BICC1: variants seen among roughly 807,000 people sequenced by gnomAD.
The protein encoded by BICC1 is BicC family RNA binding protein 1.
Under a neutral mutation model 111.0 loss-of-function variants are expected in BICC1, and 43 were observed. That is an observed-to-expected ratio of 0.39 (90% CI 0.30 to 0.50). The LOEUF (loss-of-function observed/expected upper bound fraction) is 0.50. Ranked by LOEUF, BICC1 falls within the 20% of genes least tolerant of loss-of-function variation. The pLI is 0.88. For missense variants in BICC1, 1,091 were observed against 1,203.2 expected (o/e 0.91, Z 1.38); for synonymous variants, 467 against 434.4 (o/e 1.07, Z -0.93).
intron 1 of BICC1, among the ~76,000 whole-genome samples, chr10:58,519,571 A>G (rs1447114636): frequency 6.6e-6 from 1 of 152,192 alleles, no homozygotes; most frequent in Non-Finnish European, 1.5e-5. Context: ...TATGTTATTC[A>G]GTAACATTAT....
intron 2 of BICC1, among the ~76,000 whole-genome samples, chr10:58,628,339 G>A (rs1837695950): frequency 6.6e-6 from 1 of 152,122 alleles, no homozygotes; most frequent in African/African-American, 2.4e-5. Context: ...CCATCATACT[G>A]AGGTTACTTC....
At position 58,796,768 on chromosome 10, in the gene BICC1, G is replaced by A. The variant is rs7076376; in HGVS notation, c.1366+242G>A. Among the ~76,000 whole-genome samples the A allele has an allele frequency of 0.074, 11,189 of 151,948 alleles. 1,123 individuals carry two copies. Among genetic ancestry groups the A allele is most frequent in the African/African-American group, 0.23 (9,687 of 41,388 alleles). On this transcript the variant is annotated intron_variant, in intron 10 of 20. Transcript: ENST00000373886. ...ATCAAGGTCTGACTATTTTATTTTC[G>A]GTGGCTGTGTTTGTTCTAAATTAAG... is the stretch of plus-strand genomic sequence containing the variant.
intron 1 of BICC1, among the ~76,000 whole-genome samples, chr10:58,598,287 A>G (rs976624349): frequency 6.6e-6 from 1 of 152,200 alleles, no homozygotes; most frequent in African/African-American, 2.4e-5. Flanking sequence ...CTGAAACAGC[A>G]TGTTACTGGT....
intron 3 of BICC1, among the ~76,000 whole-genome samples, chr10:58,744,230 ATTG>A (rs1270717384): frequency 1.1e-4 from 17 of 152,106 alleles, no homozygotes; most frequent in Non-Finnish European, 1.5e-5. Context: ...AAAAAATAGT[ATTG>A]TTTTATGATA....
intron 3 of BICC1, among the ~76,000 whole-genome samples, chr10:58,772,572 TC>T (rs532811849): frequency 6.6e-6 from 1 of 152,198 alleles, no homozygotes; most frequent in Non-Finnish European, 1.5e-5. Context: ...CAAAATCTGT[TC>T]CCTGAATGTC....
rs1243882968 is a variant in BICC1, at chr10:58,807,115, C to A, written c.2333C>A (p.Ala778Asp). 8.1e-6 allele frequency: 13 copies of A among 1,613,744 alleles called. No individual in the cohort carries two copies. The highest frequency in any genetic ancestry group is 1.1e-5 in the Non-Finnish European group (13 of 1,179,852). Residue 778 changes from alanine to aspartate, a missense_variant, in exon 17 of 21, where the codon GCC becomes GAC. Coordinates refer to ENST00000373886, the MANE Select transcript of BICC1 (RefSeq NM_001080512.3). Reference sequence around the variant, plus strand: ...GAAACTATCAAGGAGTTGAGAAGGGCCAATCATGTGTCCTATAAGCCCACA... The same window carrying A: ...GAAACTATCAAGGAGTTGAGAAGGGACAATCATGTGTCCTATAAGCCCACA... The part of the protein sequence containing the change: ...PAETIKELRR[A>D]NHVSYKPTMT...
intron 1 of BICC1, among the ~76,000 whole-genome samples, chr10:58,611,105 C>T (rs1845403493): frequency 6.6e-6 from 1 of 152,176 alleles, no homozygotes. Context: ...CAATGATTGC[C>T]TTATACACTG....
intron 3 of BICC1, among the ~76,000 whole-genome samples, chr10:58,768,577 GTGTTTAA>G (rs1312989548): frequency 6.6e-6 from 1 of 152,088 alleles, no homozygotes; most frequent in African/African-American, 2.4e-5. Context: ...CCTAATGATG[GTGTTTAA>G]ATTCATTTTA....
At chr10:58,700,606 C>G (rs1457606770) in intron 2 of BICC1, among the ~76,000 whole-genome samples, 1 of 152,104 alleles carries the variant, frequency 6.6e-6, no homozygotes, top group African/African-American at 2.4e-5. Context: ...AACTTTTGTT[C>G]AATTTTTAAT....
intron 2 of BICC1, among the ~76,000 whole-genome samples, chr10:58,631,509 A>G (rs1837793795): frequency 6.7e-6 from 1 of 149,794 alleles, no homozygotes; most frequent in African/African-American, 2.5e-5. Context: ...TTTTTTGTGA[A>G]ATCAAAATTA....
At chr10:58,635,830 CT>C (rs945801863) in intron 2 of BICC1, among the ~76,000 whole-genome samples, 2 of 152,116 alleles carry the variant, frequency 1.3e-5, no homozygotes, top group Non-Finnish European at 2.9e-5. Context: ...ACTAGAACGT[CT>C]TTTTTTCCTC....
intron 2 of BICC1, among the ~76,000 whole-genome samples, chr10:58,629,093 C>T (rs1336344987): frequency 6.6e-6 from 1 of 152,154 alleles, no homozygotes; most frequent in African/African-American, 2.4e-5. Context: ...TCTCTCTGGA[C>T]TCCTTGAGTT....
At chr10:58,584,951 A>C (rs1376203185) in intron 1 of BICC1, among the ~76,000 whole-genome samples, 2 of 152,206 alleles carry the variant, frequency 1.3e-5, no homozygotes, top group African/African-American at 4.8e-5. Context: ...TTCATTAATA[A>C]AAATTTAGCA....
Position 58,702,196 on chromosome 10 carries a change from A to G in BICC1, c.307+53A>G, listed in dbSNP as rs913286193. The G allele has an allele frequency of 4.2e-6, 6 of 1,424,384 alleles. No homozygotes were observed. The African/African-American group carries it at 5.6e-5, about 13-fold the overall frequency. 88.2% of individuals were successfully genotyped at this position (1,424,384 alleles called of 1,614,324 possible). A position where few individuals can be genotyped will look rare whatever the true frequency, so the allele number is the denominator to read the frequency against. The stretch of plus-strand genomic sequence containing the variant: ...TGGTTTTGATAACTGAGATTATGGA[A>G]TTACTGCAGGTTTGCTGGGGAGAAA... On this transcript the variant is annotated intron_variant, in intron 3 of 20. Coordinates refer to ENST00000373886, the MANE Select transcript of BICC1 (RefSeq NM_001080512.3).
At chr10:58,658,350 G>C (rs1049238046) in intron 2 of BICC1, among the ~76,000 whole-genome samples, 10 of 152,058 alleles carry the variant, frequency 6.6e-5, no homozygotes, top group African/African-American at 2.2e-4. Flanking sequence ...ACCAAGTCCA[G>C]CTAACTTTTT....
chr10:58,525,830 C>T (rs181180309), intron 1 of BICC1, among the ~76,000 whole-genome samples: 2 of 151,994 alleles, frequency 1.3e-5, no homozygotes, highest in East Asian at 1.9e-4. Context: ...TATGTAGTTG[C>T]TGGTATAGTA....
chr10:58,807,653 G>T (rs1843750378), intron 17 of BICC1, among the ~76,000 whole-genome samples: 1 of 152,162 alleles, frequency 6.6e-6, no homozygotes, highest in African/African-American at 2.4e-5. Flanking sequence ...AAATTTTTAT[G>T]TTTCCCAGAT....
At chr10:58,645,225 C>T (rs112625994) in intron 2 of BICC1, among the ~76,000 whole-genome samples, 7 of 151,856 alleles carry the variant, frequency 4.6e-5, no homozygotes, top group East Asian at 1.9e-4. Context: ...CTGACTAACT[C>T]GGTGAAACTT....
rs147774370 is a variant in BICC1, at chr10:58,558,186, A to G, written c.190+44853A>G. Among the ~76,000 whole-genome samples the G allele has an allele frequency of 2.6e-5, 4 of 152,254 alleles. No homozygotes were observed. The East Asian group carries it at 5.8e-4, about 22-fold the overall frequency. On this transcript the variant is annotated intron_variant, in intron 1 of 20. Transcript: ENST00000373886. ...TATGTGAGAGTTAGGATTATTTCCT[A>G]TAATCCTTTCAGTTGGTTCTCTAGT...
Sources: gnomAD v4.1 joint callset for allele counts (sites outside exome capture counted in the v4.1 genomes callset) on GRCh38, gnomAD v4.1.1 for gene constraint, MANE v1.5 for transcripts, NCBI Gene and HGNC (gene_info 2026-07-23, HGNC 2026-07-21) for gene names.